Variants in PIAS2 observed in about 807,000 individuals in gnomAD.
PIAS2 encodes E3 SUMO-protein ligase PIAS2.
Under a neutral mutation model 69.7 loss-of-function variants are expected in PIAS2, and 19 were observed. The ratio of observed to expected loss-of-function variants is 0.27; its 90% CI spans 0.19 to 0.40. PIAS2 has a LOEUF of 0.40. PIAS2 is among the 10% of genes least tolerant of loss of function. The pLI is 1.00. For synonymous variants in PIAS2, 261 were observed against 263.2 expected, an observed-to-expected ratio of 0.99 and a Z score of 0.08; for missense variants, 624 against 757.0, an observed-to-expected ratio of 0.82 and a Z score of 2.06.
chr18:46,839,741 T>C (rs2045030281), intron 8 of PIAS2, among the ~76,000 whole-genome samples: 1 of 151,840 alleles, frequency 6.6e-6, no homozygotes, highest in Non-Finnish European at 1.5e-5. Flanking sequence ...GGTGGGCACC[T>C]GTAATCCCAG....
At chr18:46,872,344 G>A (rs1245952340) in intron 2 of PIAS2, among the ~76,000 whole-genome samples, 1 of 152,186 alleles carries the variant, frequency 6.6e-6, no homozygotes, top group Non-Finnish European at 1.5e-5. Flanking sequence ...GGACAGCAGG[G>A]ACATATTTGT....
At position 46,803,715 on chromosome 18, in the gene PIAS2, C is replaced by T. The variant is rs1568304547; in HGVS notation, c.*8718G>A. ...TTATGTTTACAATTATATTGTAGCA[C>T]TCTGTGTAGTGTACCTGACCCAGAT... On this transcript the variant is annotated 3_prime_UTR_variant, in exon 14 of 14. Transcript: ENST00000585916. 1 of 152,230 alleles carries T rather than the reference C, an allele frequency of 6.6e-6. No homozygotes were observed. Among genetic ancestry groups the T allele is most frequent in the African/African-American group, 2.4e-5 (1 of 41,460 alleles). The allele number at this position is 152,230 out of a possible 1,614,324, so 9.4% of individuals were successfully genotyped here.
intron 5 of PIAS2, among the ~76,000 whole-genome samples, chr18:46,847,977 T>C (rs552212372): frequency 1.3e-5 from 2 of 152,294 alleles, no homozygotes; most frequent in East Asian, 1.9e-4. Context: ...ATGTCAGTGA[T>C]GTAATTTAAT....
chr18:46,875,308 C>T (rs1375731402), intron 2 of PIAS2, among the ~76,000 whole-genome samples: 1 of 152,186 alleles, frequency 6.6e-6, no homozygotes, highest in African/African-American at 2.4e-5. Flanking sequence ...GGAGGATGGA[C>T]AGCCAGGCCC....
chr18:46,893,618 G>A (rs2054397488), intron 1 of PIAS2: 1 of 166,674 alleles, frequency 6.0e-6, no homozygotes, highest in African/African-American at 2.4e-5. Flanking sequence ...ACAGCAGATG[G>A]GACAGTCTTT....
At chr18:46,886,840 C>A (rs981107054) in intron 2 of PIAS2, among the ~76,000 whole-genome samples, 18 of 151,428 alleles carry the variant, frequency 1.2e-4, no homozygotes, top group African/African-American at 3.7e-4. Context: ...TCTGTCCCCC[C>A]CCTCCAAAAA....
At chr18:46,846,656 T>C in intron 6 of PIAS2, 51 bp downstream of exon 6, 1 of 1,511,338 alleles carries the variant, frequency 6.6e-7, no homozygotes, top group African/African-American at 1.4e-5. Context: ...ACACAGAAAG[T>C]CAACCCTCAG....
In PIAS2 at chr18:46,810,172, C is replaced by T. The variant is rs1304060658; in HGVS notation, c.*2261G>A. The T allele has an allele frequency of 6.8e-6, 1 of 146,884 alleles. No homozygotes were observed. The highest frequency in any genetic ancestry group is 2.5e-5 in the African/African-American group (1 of 39,546). 9.1% of individuals were successfully genotyped at this position (146,884 alleles called of 1,614,324 possible). ...AAAACACCAAAACCGAACATTAAAACTGTTCACAGAAAATAGAAAAAAAAA... is the reference window on the plus strand; with the variant it reads ...AAAACACCAAAACCGAACATTAAAATTGTTCACAGAAAATAGAAAAAAAAA... On this transcript the variant is annotated 3_prime_UTR_variant, in exon 14 of 14. Coordinates refer to ENST00000585916, the MANE Select transcript of PIAS2 (RefSeq NM_004671.5).
intron 2 of PIAS2, 84 bp from the exon 3 acceptor site, chr18:46,864,332 T>C (rs2049100190): frequency 1.2e-6 from 1 of 843,890 alleles, no homozygotes; most frequent in African/African-American, 1.7e-5. Flanking sequence ...GCATTTTTTA[T>C]AAAGTACCTG....
intron 5 of PIAS2, among the ~76,000 whole-genome samples, chr18:46,849,599 T>A (rs2046667722): frequency 6.6e-6 from 1 of 152,226 alleles, no homozygotes; most frequent in African/African-American, 2.4e-5. Context: ...CATGCTCTGA[T>A]GACACCCTAC....
intron 2 of PIAS2, among the ~76,000 whole-genome samples, 188 bp downstream of exon 2, chr18:46,890,392 C>G (rs2053890690): frequency 6.6e-6 from 1 of 152,154 alleles, no homozygotes; most frequent in Non-Finnish European, 1.5e-5. Context: ...GAAGAAAGAT[C>G]AAATGATATG....
At chr18:46,813,714 A>G (rs542887232) in intron 13 of PIAS2, among the ~76,000 whole-genome samples, 1 of 152,316 alleles carries the variant, frequency 6.6e-6, no homozygotes, top group East Asian at 1.9e-4. Context: ...CCCAGGTTTA[A>G]GTTGCCAGCC....
At chr18:46,886,452 G>A (rs746439825) in intron 2 of PIAS2, among the ~76,000 whole-genome samples, 10 of 152,142 alleles carry the variant, frequency 6.6e-5, no homozygotes, top group Non-Finnish European at 1.2e-4. Flanking sequence ...AGGGAAATAC[G>A]TTAACCAGAT....
At chr18:46,868,243 T>C (rs1278004682) in intron 2 of PIAS2, among the ~76,000 whole-genome samples, 4 of 152,230 alleles carry the variant, frequency 2.6e-5, no homozygotes, top group African/African-American at 7.2e-5. Context: ...GACTTCCCTG[T>C]TCTTTGCTCT....
intron 9 of PIAS2, among the ~76,000 whole-genome samples, chr18:46,830,376 AC>A (rs1269894433): frequency 1.3e-5 from 2 of 152,108 alleles, no homozygotes; most frequent in African/African-American, 4.8e-5. Context: ...AAACCTGAAA[AC>A]TTGGAAACTA....
intron 2 of PIAS2, among the ~76,000 whole-genome samples, chr18:46,879,218 A>G (rs1371048810): frequency 6.6e-6 from 1 of 152,194 alleles, no homozygotes; most frequent in African/African-American, 2.4e-5. Flanking sequence ...CAACAGCTAA[A>G]AACAACTCAA....
chr18:46,918,076 G>A (rs2058200615), upstream of PIAS2: 1 of 151,200 alleles, frequency 6.6e-6, no homozygotes, highest in African/African-American at 2.5e-5. Context: ...AGGCGGTGGG[G>A]TTGGGGGCGG....
At chr18:46,868,815 G>A (rs1382881666) in intron 2 of PIAS2, among the ~76,000 whole-genome samples, 18 of 152,192 alleles carry the variant, frequency 1.2e-4, no homozygotes, top group Admixed American at 1.2e-3. Context: ...CATCCAGGAA[G>A]AGGTCCCTGA....
At chr18:46,855,950 T>G (rs979933874) in intron 3 of PIAS2, among the ~76,000 whole-genome samples, 1 of 151,900 alleles carries the variant, frequency 6.6e-6, no homozygotes, top group South Asian at 2.1e-4. Flanking sequence ...GCAAATCTAT[T>G]TGCTTAGAGC....
Sources: allele counts gnomAD v4.1 joint callset (sites outside exome capture counted in the v4.1 genomes callset), GRCh38; gene constraint gnomAD v4.1.1; transcripts MANE v1.5; gene names NCBI Gene and HGNC (gene_info 2026-07-23, HGNC 2026-07-21).